THSD7B: variants seen among roughly 807,000 people sequenced by gnomAD.
THSD7B encodes thrombospondin type-1 domain-containing protein 7B.
THSD7B carries 138 observed loss-of-function variants against 213.6 expected under a neutral mutation model. The ratio of observed to expected loss-of-function variants is 0.65; its 90% CI spans 0.56 to 0.74. THSD7B has a LOEUF of 0.74. THSD7B is among the 30% of genes least tolerant of loss of function. THSD7B has a pLI of 0.00. For synonymous variants in THSD7B, 742 were observed against 687.0 expected, an observed-to-expected ratio of 1.08 and a Z score of -1.25; for missense variants, 1,931 against 1,991.5, an observed-to-expected ratio of 0.97 and a Z score of 0.58.
At chr2:136,952,860 T>C (rs1344540582) in intron 2 of THSD7B, among the ~76,000 whole-genome samples, 1 of 152,198 alleles carries the variant, frequency 6.6e-6, no homozygotes, top group African/African-American at 2.4e-5. Flanking sequence ...GTGGTTTACC[T>C]TCTCCCTTGT....
intron 2 of THSD7B, among the ~76,000 whole-genome samples, chr2:136,902,804 A>G (rs1241536957): frequency 2.0e-5 from 3 of 152,250 alleles, no homozygotes; most frequent in East Asian, 1.9e-4. Flanking sequence ...GTCATTGGAT[A>G]CAAAAGCACC....
At chr2:136,964,457 A>G (rs562289403) in intron 2 of THSD7B, among the ~76,000 whole-genome samples, 15 of 152,170 alleles carry the variant, frequency 9.9e-5, no homozygotes, top group South Asian at 4.2e-4. Context: ...AGCAGAGCTT[A>G]ACTCTTAACT....
intron 1 of THSD7B, among the ~76,000 whole-genome samples, chr2:136,785,509 G>A (rs1401101602): frequency 6.6e-6 from 1 of 152,130 alleles, no homozygotes; most frequent in Non-Finnish European, 1.5e-5. Flanking sequence ...CGGGGTCTGA[G>A]TGCTCTCCAC....
intron 24 of THSD7B, among the ~76,000 whole-genome samples, chr2:137,657,991 G>A (rs529068039): frequency 8.5e-5 from 13 of 152,164 alleles, no homozygotes; most frequent in South Asian, 8.3e-4. Context: ...GATTACAGGC[G>A]TGAGCCACCA....
chr2:136,855,499 C>T (rs1323800039), intron 1 of THSD7B, among the ~76,000 whole-genome samples: 1 of 152,134 alleles, frequency 6.6e-6, no homozygotes, highest in East Asian at 1.9e-4. Flanking sequence ...AGTCTTGGCT[C>T]ACTGCAGCCT....
At chr2:136,802,673 A>ATG (rs1682211090) in intron 1 of THSD7B, among the ~76,000 whole-genome samples, 1 of 122,388 alleles carries the variant, frequency 8.2e-6, no homozygotes, top group South Asian at 2.6e-4. Context: ...ATATATATAT[A>ATG]TATATATATG....
At chr2:137,433,611 G>A (rs941791621) in intron 14 of THSD7B, among the ~76,000 whole-genome samples, 9 of 152,046 alleles carry the variant, frequency 5.9e-5, no homozygotes, top group African/African-American at 1.9e-4. Context: ...TCCTTGGCCT[G>A]TGAAAGTGCC....
chr2:137,466,603 C>T (rs545818630), intron 15 of THSD7B, among the ~76,000 whole-genome samples: 3 of 152,196 alleles, frequency 2.0e-5, no homozygotes, highest in Non-Finnish European at 2.9e-5. Flanking sequence ...AAAGATTGGA[C>T]ACGCCTACTC....
chr2:137,145,828 T>G (rs1359613204), intron 5 of THSD7B, among the ~76,000 whole-genome samples: 1 of 152,118 alleles, frequency 6.6e-6, no homozygotes, highest in Non-Finnish European at 1.5e-5. Flanking sequence ...TCAGAATCAG[T>G]GTTTATTTGC....
intron 14 of THSD7B, among the ~76,000 whole-genome samples, chr2:137,417,892 T>C (rs192201643): frequency 9.2e-4 from 140 of 152,294 alleles, no homozygotes; most frequent in Middle Eastern, 3.4e-3. Flanking sequence ...AAATAGAAAC[T>C]TTTTAGTTAT....
chr2:136,982,047 A>G (rs1449861511), intron 2 of THSD7B, among the ~76,000 whole-genome samples: 2 of 152,200 alleles, frequency 1.3e-5, no homozygotes, highest in African/African-American at 4.8e-5. Flanking sequence ...AGTTAGGGAG[A>G]TAGACACACA....
At chr2:137,545,736 A>G (rs1046041841) in intron 15 of THSD7B, among the ~76,000 whole-genome samples, 9 of 151,856 alleles carry the variant, frequency 5.9e-5, no homozygotes, top group African/African-American at 1.9e-4. Flanking sequence ...TTCAGTCAAC[A>G]TACATTTATT....
intron 2 of THSD7B, among the ~76,000 whole-genome samples, chr2:136,920,939 C>T (rs1255615151): frequency 1.3e-5 from 2 of 152,154 alleles, no homozygotes; most frequent in Non-Finnish European, 1.5e-5. Flanking sequence ...GAGGGAGAGG[C>T]CAAGGAGTGG....
rs553995790 is a variant in THSD7B at position 137,459,786 on chromosome 2, C to T, written c.3138+8763C>T. 2.3e-3 allele frequency among the ~76,000 whole-genome samples: 352 copies of T among 152,128 alleles called. 1 individual carries two copies. The highest frequency in any genetic ancestry group is 4.1e-3 in the Non-Finnish European group (278 of 67,992). ...ATTGGTCATAAGAATGGAAAAATCA[C>T]TGGGATTGGGAGGAGACTGTTACAA... On this transcript the variant is annotated intron_variant, in intron 15 of 27. Transcript: ENST00000409968.
chr2:137,151,834 G>A (rs72852207), intron 5 of THSD7B, among the ~76,000 whole-genome samples: 28 of 152,242 alleles, frequency 1.8e-4, no homozygotes, highest in Non-Finnish European at 3.8e-4. Context: ...TGACTGTGAT[G>A]TCCTTAGGCA....
rs192317465 is a variant in THSD7B at position 137,215,102 on chromosome 2, C to T, written c.1724-15942C>T. ...CATCCTCTCCAGCACCTGTTGTTTC[C>T]TGACTTTTTATTGATCACCATTCTA... On this transcript the variant is annotated intron_variant, in intron 7 of 27. Transcript: ENST00000409968. 1.9e-3 allele frequency among the ~76,000 whole-genome samples: 284 copies of T among 152,234 alleles called. 4 individuals carry two copies. Among genetic ancestry groups the T allele is most frequent in the South Asian group, 1.4e-3 (7 of 4,828 alleles).
intron 2 of THSD7B, among the ~76,000 whole-genome samples, chr2:137,054,094 A>G (rs1414977797): frequency 6.6e-6 from 1 of 152,218 alleles, no homozygotes; most frequent in African/African-American, 2.4e-5. Flanking sequence ...CTCAATTTGC[A>G]AAGTAAAGAA....
intron 2 of THSD7B, among the ~76,000 whole-genome samples, chr2:136,925,756 T>A (rs1362499287): frequency 6.6e-6 from 1 of 152,176 alleles, no homozygotes; most frequent in Non-Finnish European, 1.5e-5. Context: ...AATTTTTCTC[T>A]AAGTATTTGA....
intron 10 of THSD7B, 112 bp from the exon 11 acceptor site, chr2:137,272,420 CT>C (rs1373638347): frequency 3.6e-6 from 4 of 1,122,858 alleles, no homozygotes; most frequent in Non-Finnish European, 4.9e-6. Context: ...CCCAGGTTGA[CT>C]TTCCACATGT....
Sources: allele counts gnomAD v4.1 joint callset (sites outside exome capture counted in the v4.1 genomes callset), GRCh38; gene constraint gnomAD v4.1.1; transcripts MANE v1.5; gene names NCBI Gene and HGNC (gene_info 2026-07-23, HGNC 2026-07-21).